Variants in ABHD6 observed in about 807,000 individuals in gnomAD.
ABHD6 encodes the protein monoacylglycerol lipase ABHD6.
ABHD6 carries 33 observed loss-of-function variants against 38.8 expected under a neutral mutation model. The ratio of observed to expected loss-of-function variants is 0.85; its 90% CI spans 0.64 to 1.14. The LOEUF is 1.14. Among genes scored for constraint, ABHD6 ranks in the 50% most tolerant of loss-of-function variants. ABHD6 has a pLI of 0.00. For missense variants in ABHD6, 380 were observed against 422.6 expected (o/e 0.90, Z 0.88); for synonymous variants, 147 against 161.6 (o/e 0.91, Z 0.69).
In ABHD6 at chr3:58,238,675, A is replaced by G; in HGVS notation, c.-91+759A>G. Reference sequence around the variant, plus strand: ...AGAGTGAGGCATGGGGGAGTGGGGGAAGAGGAGGATGCCAGAGGGTCTAGA... The same window carrying G: ...AGAGTGAGGCATGGGGGAGTGGGGGGAGAGGAGGATGCCAGAGGGTCTAGA... On this transcript the variant is annotated intron_variant, in intron 1 of 9. Transcript: ENST00000478253. The surrounding 1 kb of genome is among the most constrained non-coding windows in gnomAD (Gnocchi z 6.9). 1 of 153,582 alleles carries G rather than the reference A, an allele frequency of 6.5e-6. No homozygotes were observed. The highest frequency in any genetic ancestry group is 1.4e-5 in the Non-Finnish European group (1 of 69,114). 9.5% of individuals were successfully genotyped at this position (153,582 alleles called of 1,614,324 possible).
At position 58,256,483 on chromosome 3, in the gene ABHD6, T is replaced by C. The variant is rs2097433413; in HGVS notation, c.-25-79T>C. The C allele has an allele frequency of 1.2e-6, 1 of 844,540 alleles. No homozygotes were observed. The highest frequency in any genetic ancestry group is 2.6e-5 in the East Asian group (1 of 37,842). The allele number at this position is 844,540 out of a possible 1,614,324, so 52.3% of individuals were successfully genotyped here. A position where few individuals can be genotyped will look rare whatever the true frequency, so the allele number is the denominator to read the frequency against. Reference sequence around the variant, plus strand: ...TTACCCTCACTCTGGGAACTTCACTTTTCTTGTCCCCTTTACTTCTTCGCC... The same window carrying C: ...TTACCCTCACTCTGGGAACTTCACTCTTCTTGTCCCCTTTACTTCTTCGCC... On this transcript the variant is annotated intron_variant, in intron 2 of 9. Transcript: ENST00000478253. The surrounding 1 kb of genome is among the most constrained non-coding windows in gnomAD (Gnocchi z 4.3).
In ABHD6 at chr3:58,293,779, G is replaced by T; in HGVS notation, c.*14G>T. On this transcript the variant is annotated 3_prime_UTR_variant, in exon 10 of 10. Transcript: ENST00000478253. The surrounding 1 kb of genome is among the most constrained non-coding windows in gnomAD (Gnocchi z 4.4). Reference sequence around the variant, plus strand: ...AAGCTGGACTGAGGCCCCGACTGCAGCCTGCATTCTGCACACAGCATCTGC... The same window carrying T: ...AAGCTGGACTGAGGCCCCGACTGCATCCTGCATTCTGCACACAGCATCTGC... 1 of 1,612,506 alleles carries T rather than the reference G, an allele frequency of 6.2e-7. No individual in the cohort carries two copies. Among genetic ancestry groups the T allele is most frequent in the Non-Finnish European group, 8.5e-7 (1 of 1,178,982 alleles).
rs113203932 is a variant in ABHD6, at chr3:58,256,989, C to T, written c.119+284C>T. Among the ~76,000 whole-genome samples, 2 of 151,590 alleles carry T rather than the reference C, an allele frequency of 1.3e-5. No individual in the cohort carries two copies. The highest frequency in any genetic ancestry group is 4.8e-5 in the African/African-American group (2 of 41,312). ...GATGATCTCAGCTCACTGCAACCTC[C>T]ACCTCCTGGCTTCAATCAATTTTCC... On this transcript the variant is annotated intron_variant, in intron 3 of 9. Transcript: ENST00000478253. This position sits in a 1 kb window ranked among gnomAD's most constrained non-coding sequence, Gnocchi z 4.3.
At position 58,265,701 on chromosome 3, in the gene ABHD6, T is replaced by C. The variant is rs961901090; in HGVS notation, c.120-1488T>C. 6.6e-6 allele frequency among the ~76,000 whole-genome samples: 1 copy of C among 152,240 alleles called. No homozygotes were observed. Among genetic ancestry groups the C allele is most frequent in the Non-Finnish European group, 1.5e-5 (1 of 68,044 alleles). Reference sequence around the variant, plus strand: ...TAATTTATAAAGAAAAGAAATTTGTTTGGCTTATTGTTCTGGAGGTTGGGA... The same window carrying C: ...TAATTTATAAAGAAAAGAAATTTGTCTGGCTTATTGTTCTGGAGGTTGGGA... On this transcript the variant is annotated intron_variant, in intron 3 of 9. Coordinates refer to ENST00000478253, the MANE Select transcript of ABHD6 (RefSeq NM_001320126.2). The surrounding 1 kb of genome is among the most constrained non-coding windows in gnomAD (Gnocchi z 4.2).
rs1409634574 is a variant in ABHD6, at chr3:58,237,850, C to T, written c.-157C>T. On this transcript the variant is annotated 5_prime_UTR_variant, in exon 1 of 10. Coordinates refer to ENST00000478253, the MANE Select transcript of ABHD6 (RefSeq NM_001320126.2). ...AGGAGCCCGGCGGCAGGTCCCAGCCCGGGGCTAGAGACCGAGGGCCGGGGT... is the reference window on the plus strand; with the variant it reads ...AGGAGCCCGGCGGCAGGTCCCAGCCTGGGGCTAGAGACCGAGGGCCGGGGT... The T allele has an allele frequency of 6.6e-6, 1 of 151,446 alleles. No individual in the cohort carries two copies. Among genetic ancestry groups the T allele is most frequent in the Non-Finnish European group, 1.5e-5 (1 of 67,844 alleles). 9.4% of individuals were successfully genotyped at this position (151,446 alleles called of 1,614,324 possible).
At position 58,266,368 on chromosome 3, in the gene ABHD6, C is replaced by T. The variant is rs554811404; in HGVS notation, c.120-821C>T. Among the ~76,000 whole-genome samples the T allele has an allele frequency of 7.3e-5, 11 of 151,532 alleles. No individual in the cohort carries two copies. In the South Asian group the frequency reaches 1.3e-3, roughly 17 times the overall value. On this transcript the variant is annotated intron_variant, in intron 3 of 9. Transcript: ENST00000478253. The surrounding 1 kb of genome is among the most constrained non-coding windows in gnomAD (Gnocchi z 4.0). ...CTGAGGCACAAGAATTGCTTGAACC[C>T]GGGAGGTGGAGGTTGCAGTGAGCGG...
chr3:58,249,660 G>A (rs1021247435), intron 1 of ABHD6, among the ~76,000 whole-genome samples: 5 of 152,108 alleles, frequency 3.3e-5, no homozygotes, highest in Admixed American at 1.3e-4. Context: ...TATCTGAGAC[G>A]CCCTGCCCTT....
At chr3:58,246,202 C>T (rs1242211182) in intron 1 of ABHD6, among the ~76,000 whole-genome samples, 1 of 152,180 alleles carries the variant, frequency 6.6e-6, no homozygotes, top group African/African-American at 2.4e-5. Context: ...CTGTTTTATC[C>T]AGCAGGAGAC....
chr3:58,242,760 TGTGCACAAC>T (rs2097423697), intron 1 of ABHD6, among the ~76,000 whole-genome samples: 5 of 152,218 alleles, frequency 3.3e-5, no homozygotes, highest in Non-Finnish European at 5.9e-5. Context: ...CTAGGGTACA[TGTGCACAAC>T]GTGCAGGTTT....
chr3:58,283,759 A>G (rs577721737), intron 7 of ABHD6, among the ~76,000 whole-genome samples: 1 of 152,316 alleles, frequency 6.6e-6, no homozygotes, highest in African/African-American at 2.4e-5. Flanking sequence ...AGACAAATGC[A>G]TATGTGGTTC....
rs372494703 is a variant in ABHD6, at chr3:58,266,487, C to T, written c.120-702C>T. ...AACAAAAAAAAAAACCTTATGTATG[C>T]TCTCACATTTTTTGTATGCGGATAA... On this transcript the variant is annotated intron_variant, in intron 3 of 9. Transcript: ENST00000478253. This position sits in a 1 kb window ranked among gnomAD's most constrained non-coding sequence, Gnocchi z 4.0. 1.3e-4 allele frequency among the ~76,000 whole-genome samples: 19 copies of T among 151,432 alleles called. No homozygotes were observed. The East Asian group carries it at 1.7e-3, about 14-fold the overall frequency.
chr3:58,291,917 T>C (rs1326391534), intron 9 of ABHD6, among the ~76,000 whole-genome samples: 2 of 152,286 alleles, frequency 1.3e-5, no homozygotes, highest in East Asian at 1.9e-4. Context: ...GCCACTGCAC[T>C]CCAGCCTGTG....
chr3:58,269,345 G>A lies in ABHD6; in HGVS notation c.301G>A (p.Val101Ile). The change falls in exon 5 of 10, where the codon GTC becomes ATC. Residue 101 changes from valine (V) to isoleucine (I), a missense_variant. Physicochemically the swap from Val to Ile is conservative, Grantham distance 29. Transcript: ENST00000478253. The surrounding 1 kb of genome is among the most constrained non-coding windows in gnomAD (Gnocchi z 4.4). ...GTTCCTTCCAAAGAACCTGCACTTG[G>A]TCTGCGTGGACATGCCAGGACATGA... is the stretch of plus-strand genomic sequence containing the variant. ...VKFLPKNLHL[V>I]CVDMPGHEGT... 1.2e-6 allele frequency: 2 copies of A among 1,613,898 alleles called. No homozygotes were observed. Among genetic ancestry groups the A allele is most frequent in the East Asian group, 2.2e-5 (1 of 44,874 alleles).
intron 3 of ABHD6, chr3:58,258,294 C>T (rs1328584514): frequency 5.2e-6 from 2 of 388,126 alleles, no homozygotes; most frequent in Admixed American, 5.9e-5. Flanking sequence ...GCAACAAGAG[C>T]AGAACTGCAT....
At position 58,238,848 on chromosome 3, in the gene ABHD6, G is replaced by A. The variant is rs1028438341; in HGVS notation, c.-91+932G>A. 2.0e-5 allele frequency among the ~76,000 whole-genome samples: 3 copies of A among 151,982 alleles called. No homozygotes were observed. Among genetic ancestry groups the A allele is most frequent in the Non-Finnish European group, 4.4e-5 (3 of 67,980 alleles). ...CGCCGCCCCCCTCCCCGCTGCTCCCGCCTGCTCAGAAATCCCTAGTGGCTC... is the reference window on the plus strand; with the variant it reads ...CGCCGCCCCCCTCCCCGCTGCTCCCACCTGCTCAGAAATCCCTAGTGGCTC... On this transcript the variant is annotated intron_variant, in intron 1 of 9. Coordinates refer to ENST00000478253, the MANE Select transcript of ABHD6 (RefSeq NM_001320126.2). The surrounding 1 kb of genome is among the most constrained non-coding windows in gnomAD (Gnocchi z 6.9).
intron 3 of ABHD6, chr3:58,258,409 C>A: frequency 2.3e-6 from 1 of 432,172 alleles, no homozygotes; most frequent in Non-Finnish European, 4.7e-6. Context: ...AAAGCATGAG[C>A]AGCGTGAAAG....
chr3:58,243,092 G>A (rs1301909320), intron 1 of ABHD6, among the ~76,000 whole-genome samples: 1 of 152,118 alleles, frequency 6.6e-6, no homozygotes, highest in Admixed American at 6.6e-5. Context: ...TGGTGTATAT[G>A]TGCCACATTT....
rs972695888 is a variant in ABHD6, at chr3:58,269,405, A to G, written c.361A>G (p.Ile121Val). Residue 121 changes from isoleucine to valine, a missense_variant, in exon 5 of 10, where the codon ATA becomes GTA. By Grantham distance (29) the Ile-to-Val change is conservative. Coordinates refer to ENST00000478253, the MANE Select transcript of ABHD6 (RefSeq NM_001320126.2). This position sits in a 1 kb window ranked among gnomAD's most constrained non-coding sequence, Gnocchi z 4.4. ...CCGCTCCTCCCTGGATGACCTGTCCATAGATGGGCAAGTTAAGAGGATACA... is the reference window on the plus strand; with the variant it reads ...CCGCTCCTCCCTGGATGACCTGTCCGTAGATGGGCAAGTTAAGAGGATACA... ...TTRSSLDDLS[I>V]DGQVKRIHQF... 6.2e-7 allele frequency: 1 copy of G among 1,613,880 alleles called. No individual in the cohort carries two copies. The highest frequency in any genetic ancestry group is 8.5e-7 in the Non-Finnish European group (1 of 1,179,854).
chr3:58,260,414 T>G (rs1456433206), intron 3 of ABHD6, among the ~76,000 whole-genome samples: 1 of 152,222 alleles, frequency 6.6e-6, no homozygotes, highest in Non-Finnish European at 1.5e-5. Flanking sequence ...GGTGGCATTG[T>G]GACACGGGGG....
Sources: allele counts gnomAD v4.1 joint callset (sites outside exome capture counted in the v4.1 genomes callset), GRCh38; gene constraint gnomAD v4.1.1; non-coding constraint Gnocchi (gnomAD v3.1); transcripts MANE v1.5; gene names NCBI Gene and HGNC (gene_info 2026-07-23, HGNC 2026-07-21).